The following ANO10 variants were observed in gnomAD, a reference collection of about 807,000 sequenced individuals.
ANO10 encodes anoctamin-10.
A neutral mutation model predicts 74.7 loss-of-function variants in ANO10; 77 were observed. The observed-to-expected ratio is 1.03, with a 90% confidence interval of 0.86 to 1.25. The LOEUF (loss-of-function observed/expected upper bound fraction) is 1.25. Among genes scored for constraint, ANO10 ranks in the 50% most tolerant of loss-of-function variants. ANO10 has a pLI of 0.00. For missense variants in ANO10, 721 were observed against 778.1 expected (o/e 0.93, Z 0.87); for synonymous variants, 279 against 284.9 (o/e 0.98, Z 0.21).
chr3:43,674,881 G>A (rs1381752557), intron 1 of ANO10, among the ~76,000 whole-genome samples: 1 of 152,152 alleles, frequency 6.6e-6, no homozygotes, highest in Non-Finnish European at 1.5e-5. Flanking sequence ...GCATGACCTT[G>A]GTGAGACGGC....
chr3:43,536,528 G>A (rs2078717014), intron 11 of ANO10, among the ~76,000 whole-genome samples: 1 of 152,186 alleles, frequency 6.6e-6, no homozygotes, highest in Non-Finnish European at 1.5e-5. Context: ...GTATGAGAAT[G>A]ATGCCTCACC....
intron 1 of ANO10, among the ~76,000 whole-genome samples, chr3:43,644,767 C>T (rs1052917956): frequency 1.3e-5 from 2 of 152,246 alleles, no homozygotes; most frequent in East Asian, 1.9e-4. Context: ...GCAGCTCTTG[C>T]TGACTTCTGA....
intron 11 of ANO10, among the ~76,000 whole-genome samples, chr3:43,515,985 G>A (rs1323162271): frequency 6.6e-6 from 1 of 152,116 alleles, no homozygotes; most frequent in Non-Finnish European, 1.5e-5. Flanking sequence ...TTCTCAAAAC[G>A]ACGTAGAGAG....
chr3:43,683,760 C>G (rs1170068912), intron 1 of ANO10, among the ~76,000 whole-genome samples: 1 of 152,032 alleles, frequency 6.6e-6, no homozygotes, highest in Non-Finnish European at 1.5e-5. Context: ...GAACAGAGCC[C>G]TCAGAAATAA....
chr3:43,445,308 T>C (rs1411288480), intron 11 of ANO10, among the ~76,000 whole-genome samples: 1 of 152,042 alleles, frequency 6.6e-6, no homozygotes, highest in South Asian at 2.1e-4. Flanking sequence ...TGAACTTTAG[T>C]TAATAATATT....
rs143692243 is a variant in ANO10, at chr3:43,449,888, T to C, written c.1798-17161A>G. Among the ~76,000 whole-genome samples the C allele has an allele frequency of 5.2e-3, 786 of 152,328 alleles. 4 individuals are homozygous for C. Among genetic ancestry groups the C allele is most frequent in the African/African-American group, 0.017 (714 of 41,564 alleles). The stretch of plus-strand genomic sequence containing the variant: ...CATCAAGTTGAGAAAAACTGACATC[T>C]TAATAGAGAATCCTCCCATCCATAA... On this transcript the variant is annotated intron_variant, in intron 11 of 12. Transcript: ENST00000292246.
chr3:43,537,013 A>AAG (rs1553704213), intron 11 of ANO10, among the ~76,000 whole-genome samples: 12 of 151,260 alleles, frequency 7.9e-5, no homozygotes, highest in Admixed American at 7.3e-4. Context: ...AAAAAAAAAA[A>AAG]AAAGCCCTCA....
intron 1 of ANO10, among the ~76,000 whole-genome samples, chr3:43,662,981 C>T (rs2083944393): frequency 6.6e-6 from 1 of 152,168 alleles, no homozygotes; most frequent in Non-Finnish European, 1.5e-5. Flanking sequence ...GAGCTGGTAC[C>T]ATTCCTTCTG....
chr3:43,691,088 C>T lies in ANO10; in HGVS notation c.-12+429G>A, dbSNP rs753292060. 8.0e-6 allele frequency: 12 copies of T among 1,498,738 alleles called. No individual in the cohort carries two copies. In the South Asian group the frequency reaches 1.5e-4, roughly 19 times the overall value. 92.8% of individuals were successfully genotyped at this position (1,498,738 alleles called of 1,614,324 possible). ...TCGTGTGTCTCCGGCGCGCACCCTC[C>T]GCGCGGGCCGGGTTAGGGCCCAGCG... On this transcript the variant is annotated intron_variant, in intron 1 of 3. Transcript: ENST00000413397.
intron 1 of ANO10, chr3:43,690,984 G>A (rs1317697263): frequency 1.9e-6 from 3 of 1,572,990 alleles, no homozygotes. Context: ...CGCTTGCGCG[G>A]CGGCGGCTAT....
intron 9 of ANO10, among the ~76,000 whole-genome samples, chr3:43,558,657 A>G (rs2079879120): frequency 6.6e-6 from 1 of 152,266 alleles, no homozygotes; most frequent in African/African-American, 2.4e-5. Flanking sequence ...TATAACAGTC[A>G]GGATGAGCTT....
At chr3:43,493,167 A>C (rs2076790939) in intron 11 of ANO10, among the ~76,000 whole-genome samples, 1 of 152,196 alleles carries the variant, frequency 6.6e-6, no homozygotes, top group African/African-American at 2.4e-5. Flanking sequence ...TCAGTAAACT[A>C]TCACAAGATC....
chr3:43,586,350 G>A (rs1370494590), intron 4 of ANO10, among the ~76,000 whole-genome samples: 2 of 152,040 alleles, frequency 1.3e-5, no homozygotes, highest in Non-Finnish European at 2.9e-5. Context: ...CAAAATCCCT[G>A]CAAGAACAGG....
chr3:43,417,539 CT>C (rs922521126), intron 12 of ANO10, among the ~76,000 whole-genome samples: 4 of 152,110 alleles, frequency 2.6e-5, no homozygotes, highest in Non-Finnish European at 5.9e-5. Context: ...GTTTTCCTTT[CT>C]TTTTTTCTCT....
At chr3:43,437,395 G>A (rs2093085187) in intron 11 of ANO10, among the ~76,000 whole-genome samples, 1 of 152,206 alleles carries the variant, frequency 6.6e-6, no homozygotes, top group South Asian at 2.1e-4. Context: ...AGAGAAGCTG[G>A]GGTCATAGGG....
intron 12 of ANO10, among the ~76,000 whole-genome samples, chr3:43,393,318 T>C (rs1010334772): frequency 2.6e-5 from 4 of 152,116 alleles, no homozygotes; most frequent in African/African-American, 9.7e-5. Context: ...AAAACCAAGA[T>C]TGGTTTTGAT....
chr3:43,509,307 T>A (rs568884339), intron 11 of ANO10, among the ~76,000 whole-genome samples: 1 of 152,066 alleles, frequency 6.6e-6, no homozygotes, highest in East Asian at 1.9e-4. Context: ...ACATGGCACA[T>A]GTACACGTAT....
At chr3:43,568,800 T>G (rs1327475059) in intron 7 of ANO10, among the ~76,000 whole-genome samples, 3,833 of 141,792 alleles carry the variant, frequency 0.027, 70 homozygotes, top group Non-Finnish European at 0.038. Flanking sequence ...GCAAACACAT[T>G]CAAAAGCTAG....
chr3:43,684,890 A>G (rs886872874), intron 1 of ANO10, among the ~76,000 whole-genome samples: 2 of 152,140 alleles, frequency 1.3e-5, no homozygotes, highest in Non-Finnish European at 2.9e-5. Context: ...ATGAGAACAC[A>G]TGGATGCAGG....
Sources: allele counts gnomAD v4.1 joint callset (sites outside exome capture counted in the v4.1 genomes callset), GRCh38; gene constraint gnomAD v4.1.1; transcripts MANE v1.5; gene names NCBI Gene and HGNC (gene_info 2026-07-23, HGNC 2026-07-21).